The following KCNH5 variants were observed in gnomAD, a reference collection of about 807,000 sequenced individuals.
The protein encoded by KCNH5 is potassium voltage-gated channel subfamily H member 5.
KCNH5 carries 46 observed loss-of-function variants against 96.1 expected under a neutral mutation model. That is an observed-to-expected ratio of 0.48 (90% confidence interval 0.38 to 0.61). The LOEUF (loss-of-function observed/expected upper bound fraction) is 0.61, where lower values mean the gene tolerates loss of function less well. KCNH5 is among the 20% of genes least tolerant of loss of function. The pLI is 0.00. For missense variants in KCNH5, 907 were observed against 1,225.8 expected (o/e 0.74, Z 3.88); for synonymous variants, 439 against 449.8 (o/e 0.98, Z 0.30).
intron 8 of KCNH5, among the ~76,000 whole-genome samples, chr14:62,816,335 T>A (rs1042370366): frequency 2.6e-5 from 4 of 151,870 alleles, no homozygotes; most frequent in East Asian, 1.9e-4. Flanking sequence ...TGTGAAAAAA[T>A]ATATATATAT....
rs759002391 is a variant in KCNH5, at chr14:63,006,477, G to A, written c.198-5C>T. The A allele has an allele frequency of 6.4e-7, 1 of 1,550,826 alleles. No individual in the cohort carries two copies. Among genetic ancestry groups the A allele is most frequent in the Non-Finnish European group, 8.9e-7 (1 of 1,128,960 alleles). ...GTCAATTCCCCATACATAAAACTGG[G>A]GGGGAAAAAAAACAAACAATCGATT... On this transcript the variant is annotated splice_region_variant and splice_polypyrimidine_tract_variant and intron_variant, in intron 2 of 10. Transcript: ENST00000322893.
chr14:62,946,380 T>G (rs1889886699), intron 7 of KCNH5, among the ~76,000 whole-genome samples: 1 of 152,148 alleles, frequency 6.6e-6, no homozygotes, highest in African/African-American at 2.4e-5. Context: ...GCAATTTCTT[T>G]AAAAATTGAA....
At chr14:62,937,171 GT>G (rs1889701096) in intron 7 of KCNH5, among the ~76,000 whole-genome samples, 1 of 152,066 alleles carries the variant, frequency 6.6e-6, no homozygotes, top group Non-Finnish European at 1.5e-5. Context: ...CTTAAGAGCA[GT>G]TGCTTGCCCT....
At chr14:62,874,677 G>C (rs1888332747) in intron 7 of KCNH5, among the ~76,000 whole-genome samples, 1 of 150,280 alleles carries the variant, frequency 6.7e-6, no homozygotes, top group African/African-American at 2.5e-5. Flanking sequence ...ATTAGGTATT[G>C]ATGGGACGTA....
intron 6 of KCNH5, among the ~76,000 whole-genome samples, chr14:62,965,494 A>C (rs1407050895): frequency 6.6e-6 from 1 of 152,142 alleles, no homozygotes; most frequent in Non-Finnish European, 1.5e-5. Flanking sequence ...TGCAGCATGA[A>C]AACCCTCATC....
rs868309881 is a variant in KCNH5, at chr14:62,802,497, G to A, written c.1654C>T (p.Arg552Ter). 1.2e-6 allele frequency: 2 copies of A among 1,614,104 alleles called. No individual in the cohort carries two copies. Among genetic ancestry groups the A allele is most frequent in the Non-Finnish European group, 8.5e-7 (1 of 1,180,002 alleles). Residue 552 changes from arginine to a stop codon, truncating the protein, a stop_gained, in exon 9 of 11, where the codon CGA becomes TGA. Transcript: ENST00000322893. LOFTEE classifies it high-confidence loss of function. Reference protein sequence around the residue: ...RKVFNEHPAFRLASDGCLRAL... With the variant: ...RKVFNEHPAF ...CGCAGACACCCATCGCTGGCCAATC[G>A]AAAAGCAGGATGTTCATTAAAAACC...
In KCNH5 at chr14:62,882,100, T is replaced by TAAAAAAAAA. The variant is rs143123435; in HGVS notation, c.1370-32257_1370-32249dup. The stretch of plus-strand genomic sequence containing the variant: ...GCTAACATAGAGAAACCCCATTTCT[T>TAAAAAAAAA]AAAAAAAAAAAAAAAAAAAAAAAAA... On this transcript the variant is annotated intron_variant, in intron 7 of 10. Transcript: ENST00000322893. 1.4e-4 allele frequency among the ~76,000 whole-genome samples: 11 copies of TAAAAAAAAA among 76,672 alleles called. 1 individual carries two copies. Among genetic ancestry groups the TAAAAAAAAA allele is most frequent in the African/African-American group, 6.5e-4 (11 of 16,918 alleles). The allele number at this position is 76,672 out of a possible 152,430, so 50.3% of individuals were successfully genotyped here. A position where few individuals can be genotyped will look rare whatever the true frequency, so the allele number is the denominator to read the frequency against.
rs1245708926 is a variant in KCNH5, at chr14:62,706,119, A to G, written c.*1389T>C. The G allele has an allele frequency of 2.6e-5, 4 of 152,116 alleles. No homozygotes were observed. Among genetic ancestry groups the G allele is most frequent in the Non-Finnish European group, 5.9e-5 (4 of 67,950 alleles). 9.4% of individuals were successfully genotyped at this position (152,116 alleles called of 1,614,324 possible). A position where few individuals can be genotyped will look rare whatever the true frequency, so the allele number is the denominator to read the frequency against. ...ATTTAAGGGACTAGCTATATACAGG[A>G]CAACTCTTTGTGACTTTTTTTAAAA... On this transcript the variant is annotated 3_prime_UTR_variant, in exon 11 of 11. Coordinates refer to ENST00000322893, the MANE Select transcript of KCNH5 (RefSeq NM_139318.5).
chr14:62,890,439 T>C (rs1415561538), intron 7 of KCNH5, among the ~76,000 whole-genome samples: 1 of 151,866 alleles, frequency 6.6e-6, no homozygotes, highest in East Asian at 1.9e-4. Context: ...CTCACGCCTG[T>C]AATCCCAGCA....
At chr14:62,852,998 A>G (rs1887838005) in intron 7 of KCNH5, among the ~76,000 whole-genome samples, 1 of 152,132 alleles carries the variant, frequency 6.6e-6, no homozygotes, top group Non-Finnish European at 1.5e-5. Flanking sequence ...GATCTAACAC[A>G]TCCGAAAAGA....
chr14:62,851,934 A>G (rs1388473983), intron 7 of KCNH5, among the ~76,000 whole-genome samples: 1 of 152,162 alleles, frequency 6.6e-6, no homozygotes, highest in Non-Finnish European at 1.5e-5. Flanking sequence ...CTGCTCATAT[A>G]AAAGTTTAAG....
chr14:62,936,314 C>T (rs2140119638), intron 7 of KCNH5, among the ~76,000 whole-genome samples: 1 of 152,156 alleles, frequency 6.6e-6, no homozygotes, highest in East Asian at 1.9e-4. Flanking sequence ...ATTAAAAAGA[C>T]ATGAGCATGT....
chr14:62,878,844 A>C (rs889427869), intron 7 of KCNH5, among the ~76,000 whole-genome samples: 1 of 152,036 alleles, frequency 6.6e-6, no homozygotes. Flanking sequence ...ATATCTTCAC[A>C]TGGTCTTCCC....
chr14:62,913,371 G>A (rs768423124), intron 7 of KCNH5, among the ~76,000 whole-genome samples: 17 of 151,646 alleles, frequency 1.1e-4, no homozygotes, highest in Non-Finnish European at 2.2e-4. Context: ...GGGACTACAG[G>A]CACGTGCCAG....
intron 1 of KCNH5, among the ~76,000 whole-genome samples, chr14:63,029,599 C>T (rs914072234): frequency 1.3e-5 from 2 of 151,662 alleles, no homozygotes; most frequent in African/African-American, 2.4e-5. Flanking sequence ...ACCTGCAAAC[C>T]AAAACCTATA....
chr14:62,721,495 A>G (rs202030010), intron 10 of KCNH5, among the ~76,000 whole-genome samples: 1,858 of 60,386 alleles, frequency 0.031, 15 homozygotes, highest in South Asian at 0.051. Flanking sequence ...TCTCTCACTC[A>G]CTCGCTCTCT....
At chr14:62,712,478 T>A in intron 10 of KCNH5, 1 of 602,996 alleles carries the variant, frequency 1.7e-6, no homozygotes, top group Non-Finnish European at 3.0e-6. Flanking sequence ...AATTGAGGCA[T>A]AAAGAGTTTA....
At chr14:62,837,367 T>A (rs543472236) in intron 8 of KCNH5, among the ~76,000 whole-genome samples, 3 of 152,280 alleles carry the variant, frequency 2.0e-5, no homozygotes, top group African/African-American at 7.2e-5. Context: ...AATACTGAAA[T>A]GGGGAAGTAT....
intron 7 of KCNH5, among the ~76,000 whole-genome samples, chr14:62,909,213 T>C (rs1480303826): frequency 6.7e-6 from 1 of 149,346 alleles, no homozygotes; most frequent in Non-Finnish European, 1.5e-5. Context: ...GCCCGGCTAA[T>C]TTTTTGTATT....
Sources: allele counts gnomAD v4.1 joint callset (sites outside exome capture counted in the v4.1 genomes callset), GRCh38; gene constraint gnomAD v4.1.1; transcripts MANE v1.5; gene names NCBI Gene and HGNC (gene_info 2026-07-23, HGNC 2026-07-21).